LMBR1: variants seen among roughly 807,000 people sequenced by gnomAD.
The protein encoded by LMBR1 is limb region 1 protein homolog.
Under a neutral mutation model 73.9 loss-of-function variants are expected in LMBR1, and 52 were observed. The observed-to-expected ratio is 0.70, with a 90% CI of 0.56 to 0.89. The LOEUF is 0.89. Among genes scored for constraint, LMBR1 ranks in the 40% least tolerant of loss-of-function variants. The pLI is 0.00. For missense variants in LMBR1, 539 were observed against 579.8 expected, an observed-to-expected ratio of 0.93 and a Z score of 0.72; for synonymous variants, 215 against 209.4, an observed-to-expected ratio of 1.03 and a Z score of -0.23.
intron 9 of LMBR1, among the ~76,000 whole-genome samples, chr7:156,740,994 AGTTT>A (rs1818787242): frequency 6.6e-6 from 1 of 152,204 alleles, no homozygotes; most frequent in Non-Finnish European, 1.5e-5. Context: ...AACAACAAAA[AGTTT>A]AAAAGTGTGG....
chr7:156,710,358 C>T (rs1416542737), intron 15 of LMBR1, among the ~76,000 whole-genome samples: 2 of 152,096 alleles, frequency 1.3e-5, no homozygotes, highest in Non-Finnish European at 2.9e-5. Context: ...AAATGAAAAA[C>T]ACACTTAGAG....
chr7:156,677,685 C>A (rs1457539539), downstream of LMBR1: 1 of 152,180 alleles, frequency 6.6e-6, no homozygotes, highest in Non-Finnish European at 1.5e-5. Flanking sequence ...ATTCTTATCT[C>A]ATCCCTTAGA....
intron 15 of LMBR1, 104 bp downstream of exon 15, chr7:156,724,008 C>T: frequency 1.3e-6 from 1 of 764,772 alleles, no homozygotes; most frequent in Non-Finnish European, 2.1e-6. Context: ...GGAAGAAACA[C>T]TGTATTTCAA....
rs185541581 is a variant in LMBR1, at chr7:156,829,534, C to T, written c.180-2790G>A. Among the ~76,000 whole-genome samples, 350 of 149,570 alleles carry T rather than the reference C, an allele frequency of 2.3e-3. 2 individuals carry two copies. Among genetic ancestry groups the T allele is most frequent in the African/African-American group, 8.2e-3 (332 of 40,520 alleles). ...TCCTGCGGCCTCACCAGAAGCCAAG[C>T]AGATGGCAGTGTCATGCTTGTACAT... On this transcript the variant is annotated intron_variant, in intron 3 of 16. Transcript: ENST00000353442.
rs532852896 is a variant in LMBR1, at chr7:156,803,245, T to C, written c.320-6753A>G. Among the ~76,000 whole-genome samples, 63 of 152,104 alleles carry C rather than the reference T, an allele frequency of 4.1e-4. 1 individual carries two copies. Among genetic ancestry groups the C allele is most frequent in the African/African-American group, 9.6e-4 (40 of 41,496 alleles). On this transcript the variant is annotated intron_variant, in intron 4 of 16. Transcript: ENST00000353442. ...CAAAATGGGAGAAAATTTTTGCAAC[T>C]TACTCATCTGACAAAGGGCTAATAT...
rs117281010 is a variant in LMBR1, at chr7:156,876,390, C to T, written c.66+16538G>A. On this transcript the variant is annotated intron_variant, in intron 1 of 16. Transcript: ENST00000353442. ...AATAGTGGGGTATTTCAGTACTCCA[C>T]TGACAGCACTAAACAGGTCATCAAG... 9.7e-3 allele frequency among the ~76,000 whole-genome samples: 1,480 copies of T among 152,296 alleles called. 15 individuals are homozygous for T. Among genetic ancestry groups the T allele is most frequent in the Middle Eastern group, 0.017 (5 of 294 alleles).
chr7:156,733,150 A>C (rs1441326214), intron 10 of LMBR1, among the ~76,000 whole-genome samples: 1 of 152,162 alleles, frequency 6.6e-6, no homozygotes, highest in Non-Finnish European at 1.5e-5. Context: ...GTCTTAAAAA[A>C]CAAAACAAAA....
chr7:156,816,534 G>A (rs535581224), intron 4 of LMBR1, among the ~76,000 whole-genome samples: 56 of 152,282 alleles, frequency 3.7e-4, no homozygotes, highest in African/African-American at 1.1e-3. Context: ...GAAATTAGAT[G>A]CCTGTTTCAT....
intron 3 of LMBR1, chr7:156,833,538 A>G: frequency 1.9e-6 from 1 of 513,114 alleles, no homozygotes; most frequent in Non-Finnish European, 3.4e-6. Flanking sequence ...CCCTGAGGAT[A>G]AAATCTGTCA....
chr7:156,868,692 G>A (rs1023511635), intron 1 of LMBR1, among the ~76,000 whole-genome samples: 2 of 151,448 alleles, frequency 1.3e-5, no homozygotes, highest in African/African-American at 4.9e-5. Context: ...GTGGCTAGGT[G>A]AGGTGGCTCA....
At chr7:156,762,223 A>G in intron 7 of LMBR1, 25 bp from the exon 8 acceptor site, 1 of 1,479,038 alleles carries the variant, frequency 6.8e-7, no homozygotes, top group Non-Finnish European at 9.4e-7. Context: ...TCACCAAAAG[A>G]CAGAAAGCGA....
chr7:156,795,597 G>C (rs766793924), intron 5 of LMBR1, among the ~76,000 whole-genome samples: 1 of 152,078 alleles, frequency 6.6e-6, no homozygotes, highest in Non-Finnish European at 1.5e-5. Flanking sequence ...TCTGAGACAG[G>C]CTGGAGTGCA....
At chr7:156,676,566 C>A (rs1804093528), downstream of LMBR1, 3 of 1,614,230 alleles carry the variant, frequency 1.9e-6, no homozygotes, top group Non-Finnish European at 1.7e-6. Flanking sequence ...TCTGCTGGCA[C>A]TAGAGGAGTT....
In LMBR1 at chr7:156,893,141, C is replaced by A. The variant is rs984090423; in HGVS notation, c.-148G>T. The A allele has an allele frequency of 6.9e-5, 48 of 696,066 alleles. No individual in the cohort carries two copies. In the East Asian group the frequency reaches 1.7e-3, roughly 25 times the overall value. The allele number at this position is 696,066 out of a possible 1,614,324, so 43.1% of individuals were successfully genotyped here. Reference sequence around the variant, plus strand: ...GTTGGAACAGGTACCGCGACCACGACACCGGCCGTCGCCTCAGCAGCCTCA... The same window carrying A: ...GTTGGAACAGGTACCGCGACCACGAAACCGGCCGTCGCCTCAGCAGCCTCA... On this transcript the variant is annotated 5_prime_UTR_variant, in exon 1 of 17. Coordinates refer to ENST00000353442, the MANE Select transcript of LMBR1 (RefSeq NM_022458.4).
At chr7:156,805,815 A>AAG (rs1831951747) in intron 4 of LMBR1, among the ~76,000 whole-genome samples, 1 of 152,096 alleles carries the variant, frequency 6.6e-6, no homozygotes, top group Non-Finnish European at 1.5e-5. Context: ...GATGGTCGTT[A>AAG]GAGACAGGAG....
intron 1 of LMBR1, among the ~76,000 whole-genome samples, chr7:156,884,582 G>T (rs1222895047): frequency 6.6e-6 from 1 of 152,182 alleles, no homozygotes; most frequent in Non-Finnish European, 1.5e-5. Context: ...ACCCCATACA[G>T]ATCAAAGCCT....
At chr7:156,758,827 T>C (rs1822421075) in intron 8 of LMBR1, among the ~76,000 whole-genome samples, 1 of 152,236 alleles carries the variant, frequency 6.6e-6, no homozygotes, top group Non-Finnish European at 1.5e-5. Context: ...ACTAATGCAG[T>C]GACAATGTAA....
Position 156,871,180 on chromosome 7 carries a change from A to G in LMBR1, c.66+21748T>C, listed in dbSNP as rs114074202. On this transcript the variant is annotated intron_variant, in intron 1 of 16. Transcript: ENST00000353442. ...AAACAGCCATATGCCAACAAACTGG[A>G]TAATCTAGAAGAAATGAATAAATTC... is the stretch of plus-strand genomic sequence containing the variant. Among the ~76,000 whole-genome samples, 1,515 of 152,324 alleles carry G rather than the reference A, an allele frequency of 9.9e-3. 26 individuals are homozygous for G. The highest frequency in any genetic ancestry group is 0.034 in the African/African-American group (1,407 of 41,578).
downstream of LMBR1, chr7:156,677,029 T>C (rs1804189960): frequency 5.5e-6 from 1 of 180,714 alleles, no homozygotes; most frequent in Non-Finnish European, 1.2e-5. Context: ...TAGTCTGTCC[T>C]AAAGCCTTTG....
Sources: allele counts gnomAD v4.1 joint callset (sites outside exome capture counted in the v4.1 genomes callset), GRCh38; gene constraint gnomAD v4.1.1; transcripts MANE v1.5; gene names NCBI Gene and HGNC (gene_info 2026-07-23, HGNC 2026-07-21).